The following KIF26B variants were observed in gnomAD, a reference collection of about 807,000 sequenced individuals.
KIF26B encodes kinesin-like protein KIF26B.
In KIF26B, 63 loss-of-function variants were observed where a neutral mutation model predicts 151.2. That is an observed-to-expected ratio of 0.42 (90% CI 0.34 to 0.51). KIF26B has a LOEUF of 0.51. Among genes scored for constraint, KIF26B ranks in the 20% least tolerant of loss-of-function variants. The pLI, the probability that KIF26B is intolerant of heterozygous loss-of-function variation, is 0.07. For missense variants in KIF26B, 2,813 were observed against 2,913.6 expected (o/e 0.97, Z 0.79); for synonymous variants, 1,357 against 1,262.1 (o/e 1.08, Z -1.59).
At chr1:245,701,974 C>T (rs1204718438) in intron 14 of KIF26B, among the ~76,000 whole-genome samples, 2 of 152,368 alleles carry the variant, frequency 1.3e-5, no homozygotes, top group African/African-American at 4.8e-5. Flanking sequence ...ACTTTTTACT[C>T]TGTGCAGGCC....
chr1:245,455,510 AAAAC>A (rs1009922740), intron 4 of KIF26B, among the ~76,000 whole-genome samples: 1 of 152,204 alleles, frequency 6.6e-6, no homozygotes, highest in Non-Finnish European at 1.5e-5. Flanking sequence ...TGAAAAAAAC[AAAAC>A]AAACAAACAA....
chr1:245,327,093 G>A (rs1459392337), intron 2 of KIF26B, among the ~76,000 whole-genome samples: 1 of 152,156 alleles, frequency 6.6e-6, no homozygotes. Flanking sequence ...ACAATCTGGG[G>A]GACCTTCTTT....
intron 4 of KIF26B, among the ~76,000 whole-genome samples, chr1:245,498,192 G>C (rs752629373): frequency 1.3e-5 from 2 of 152,166 alleles, no homozygotes; most frequent in South Asian, 2.1e-4. Flanking sequence ...AGTGAGATGA[G>C]AGCCTGGGCT....
At chr1:245,226,312 G>A (rs372064717) in intron 2 of KIF26B, among the ~76,000 whole-genome samples, 1 of 152,328 alleles carries the variant, frequency 6.6e-6, no homozygotes, top group African/African-American at 2.4e-5. Context: ...GTTGCAGAGA[G>A]CCAGCTGTGC....
intron 2 of KIF26B, among the ~76,000 whole-genome samples, chr1:245,346,480 G>C (rs562534017): frequency 1.3e-5 from 2 of 152,026 alleles, no homozygotes; most frequent in Non-Finnish European, 2.9e-5. Context: ...ATTCATCTCT[G>C]ATCCATGCCA....
At chr1:245,413,874 G>T (rs1455670291) in intron 3 of KIF26B, among the ~76,000 whole-genome samples, 1 of 152,200 alleles carries the variant, frequency 6.6e-6, no homozygotes, top group Non-Finnish European at 1.5e-5. Flanking sequence ...CAGCCGAATG[G>T]ATCAGCATCC....
Position 245,352,966 on chromosome 1 carries a change from G to A in KIF26B, c.466-13868G>A, listed in dbSNP as rs115127755. Among the ~76,000 whole-genome samples the A allele has an allele frequency of 2.7e-3, 416 of 152,166 alleles. 2 individuals are homozygous for A. The highest frequency in any genetic ancestry group is 9.6e-3 in the African/African-American group (400 of 41,484). On this transcript the variant is annotated intron_variant, in intron 2 of 14. Transcript: ENST00000407071. The surrounding 1 kb of genome is among the most constrained non-coding windows in gnomAD (Gnocchi z 5.0). ...CTGAGTCTGCTCATATTATTCATAC[G>A]ATTATCACGTTAGAGGTTTTGGAGT...
Position 245,602,899 on chromosome 1 carries a change from TC to T in KIF26B, c.1557+118del. The stretch of plus-strand genomic sequence containing the variant: ...TTCTGGAGCATTCTGATGGACCAGT[TC>T]CTTCAGGAGTCAATCTGAGCTCCAC... On this transcript the variant is annotated intron_variant, in intron 6 of 14. Transcript: ENST00000407071. The surrounding 1 kb of genome is among the most constrained non-coding windows in gnomAD (Gnocchi z 4.5). 1 of 901,758 alleles carries T rather than the reference TC, an allele frequency of 1.1e-6. No individual in the cohort carries two copies. The highest frequency in any genetic ancestry group is 1.8e-6 in the Non-Finnish European group (1 of 556,438). 55.9% of individuals were successfully genotyped at this position (901,758 alleles called of 1,614,324 possible).
At chr1:245,246,870 CACACACACACACACACACACACAG>C (rs1195273319) in intron 2 of KIF26B, among the ~76,000 whole-genome samples, 8 of 149,464 alleles carry the variant, frequency 5.4e-5, no homozygotes, top group Middle Eastern at 6.9e-3. Flanking sequence ...GGGCAGAACA[CACACACACACACACACACACACAG>C]ACACACACAC....
In KIF26B at chr1:245,395,294, T is replaced by A. The variant is rs1006412171; in HGVS notation, c.1000-24285T>A. ...TACTTAGGAGTAGGTTGGCTCTGGG[T>A]TTTTTCCTGGGTTCTTGATTTGCTT... On this transcript the variant is annotated intron_variant, in intron 3 of 14. Coordinates refer to ENST00000407071, the MANE Select transcript of KIF26B (RefSeq NM_018012.4). Among the ~76,000 whole-genome samples, 6 of 152,128 alleles carry A rather than the reference T, an allele frequency of 3.9e-5. No homozygotes were observed. The South Asian group carries it at 6.2e-4, about 16-fold the overall frequency.
intron 2 of KIF26B, among the ~76,000 whole-genome samples, chr1:245,331,222 G>T (rs1341592433): frequency 3.9e-5 from 6 of 152,070 alleles, no homozygotes; most frequent in Admixed American, 3.9e-4. Flanking sequence ...GCTCTTGCCG[G>T]AGGAGGGTGC....
At chr1:245,269,501 G>A (rs1670810772) in intron 2 of KIF26B, among the ~76,000 whole-genome samples, 1 of 151,724 alleles carries the variant, frequency 6.6e-6, no homozygotes, top group Non-Finnish European at 1.5e-5. Flanking sequence ...GGTTAGCTCT[G>A]TCGCCCAGGC....
At chr1:245,566,010 T>C (rs1051197590) in intron 5 of KIF26B, among the ~76,000 whole-genome samples, 1 of 152,094 alleles carries the variant, frequency 6.6e-6, no homozygotes, top group Non-Finnish European at 1.5e-5. Context: ...AACAACCATT[T>C]CTCACATGAA....
At position 245,602,502 on chromosome 1, in the gene KIF26B, A is replaced by G; in HGVS notation, c.1351-75A>G. 8.7e-7 allele frequency: 1 copy of G among 1,148,372 alleles called. No homozygotes were observed. The highest frequency in any genetic ancestry group is 1.3e-6 in the Non-Finnish European group (1 of 782,478). The allele number at this position is 1,148,372 out of a possible 1,614,324, so 71.1% of individuals were successfully genotyped here. ...GTGCTGCCATGTGCATGTATATCGCAGAGTATACAAGGGTGCTCCATCGTA... is the reference window on the plus strand; with the variant it reads ...GTGCTGCCATGTGCATGTATATCGCGGAGTATACAAGGGTGCTCCATCGTA... On this transcript the variant is annotated intron_variant, in intron 5 of 14. Transcript: ENST00000407071. The surrounding 1 kb of genome is among the most constrained non-coding windows in gnomAD (Gnocchi z 4.5).
intron 2 of KIF26B, chr1:245,214,081 G>A (rs1573712370): frequency 1.3e-5 from 2 of 152,170 alleles, no homozygotes; most frequent in East Asian, 3.9e-4. Context: ...TAAATGGGAA[G>A]ACCATTTGAA....
At chr1:245,634,313 G>A (rs562161913) in intron 9 of KIF26B, among the ~76,000 whole-genome samples, 6 of 152,060 alleles carry the variant, frequency 3.9e-5, no homozygotes, top group Admixed American at 3.3e-4. Flanking sequence ...TCTGGATATC[G>A]TTCATTTATT....
intron 2 of KIF26B, among the ~76,000 whole-genome samples, chr1:245,335,802 G>T (rs193181438): frequency 2.8e-5 from 4 of 145,394 alleles, no homozygotes; most frequent in African/African-American, 5.1e-5. Context: ...GGAAAGGAAG[G>T]TCCCACGCAG....
chr1:245,515,486 C>T (rs989901685), intron 4 of KIF26B, among the ~76,000 whole-genome samples: 1 of 88,564 alleles, frequency 1.1e-5, no homozygotes. Flanking sequence ...CCCTGCCCTG[C>T]CTCAGGTCTT....
At chr1:245,277,619 AAAAC>A in intron 2 of KIF26B, among the ~76,000 whole-genome samples, 1 of 152,262 alleles carries the variant, frequency 6.6e-6, no homozygotes, top group Middle Eastern at 3.4e-3. Flanking sequence ...ATTTTGTTTG[AAAAC>A]AAACAAACAA....
Sources: gnomAD v4.1 joint callset for allele counts (sites outside exome capture counted in the v4.1 genomes callset) on GRCh38, gnomAD v4.1.1 for gene constraint, Gnocchi (gnomAD v3.1) non-coding constraint, MANE v1.5 for transcripts, NCBI Gene and HGNC (gene_info 2026-07-23, HGNC 2026-07-21) for gene names.